Variants in VGLL4 observed in about 807,000 individuals in gnomAD.
VGLL4 encodes the protein transcription cofactor vestigial-like protein 4.
In VGLL4, 7 loss-of-function variants were observed where a neutral mutation model predicts 21.0. That is an observed-to-expected ratio of 0.33 (90% CI 0.19 to 0.63). The LOEUF is 0.63. VGLL4 is among the 20% of genes least tolerant of loss of function. VGLL4 has a pLI of 0.78. For missense variants in VGLL4, 394 were observed against 425.7 expected (o/e 0.93, Z 0.66); for synonymous variants, 222 against 173.2 (o/e 1.28, Z -2.21).
In VGLL4 at chr3:11,557,033, A is replaced by G. The variant is rs887175063; in HGVS notation, c.*1523T>C. ...GGTCATACGGTGTGCAGAGTCCACA[A>G]AGCCTTGCAGGTGAGGTGACCACGC... On this transcript the variant is annotated 3_prime_UTR_variant, in exon 5 of 5. Transcript: ENST00000430365. The G allele has an allele frequency of 6.6e-6, 1 of 152,496 alleles. No individual in the cohort carries two copies. Among genetic ancestry groups the G allele is most frequent in the South Asian group, 2.1e-4 (1 of 4,834 alleles). The allele number at this position is 152,496 out of a possible 1,614,324, so 9.4% of individuals were successfully genotyped here. A position where few individuals can be genotyped will look rare whatever the true frequency, so the allele number is the denominator to read the frequency against.
intron 2 of VGLL4, among the ~76,000 whole-genome samples, chr3:11,688,226 A>G (rs2076478377): frequency 6.6e-6 from 1 of 152,182 alleles, no homozygotes; most frequent in Non-Finnish European, 1.5e-5. Flanking sequence ...ATATCTATGT[A>G]CTTGATTTTA....
rs1349424290 is a variant in VGLL4 at position 11,652,442 on chromosome 3, T to C, written c.65-50420A>G. 2.6e-5 allele frequency among the ~76,000 whole-genome samples: 4 copies of C among 152,278 alleles called. No individual in the cohort carries two copies. The East Asian group carries it at 5.8e-4, about 22-fold the overall frequency. On this transcript the variant is annotated intron_variant, in intron 2 of 5. Coordinates refer to the VGLL4 transcript ENST00000273038. ...TTTTTGTTTTTTTGTTTTTTTGACA[T>C]GGAGTCTAACTCTGTTGCCCAGGCT...
intron 1 of VGLL4, among the ~76,000 whole-genome samples, chr3:11,703,827 T>G (rs915418934): frequency 2.0e-5 from 3 of 152,356 alleles, no homozygotes; most frequent in Middle Eastern, 3.4e-3. Context: ...TGTACCACTT[T>G]ACAGACACTT....
chr3:11,690,495 T>C (rs2076511424), intron 2 of VGLL4, among the ~76,000 whole-genome samples: 1 of 152,182 alleles, frequency 6.6e-6, no homozygotes, highest in African/African-American at 2.4e-5. Context: ...AGTACTTCGC[T>C]AGGAAACTGA....
At chr3:11,637,529 T>G (rs1226838585) in intron 1 of VGLL4, among the ~76,000 whole-genome samples, 1 of 152,236 alleles carries the variant, frequency 6.6e-6, no homozygotes, top group African/African-American at 2.4e-5. Context: ...CTTTTAAGAA[T>G]AGATTCTCTA....
intron 2 of VGLL4, among the ~76,000 whole-genome samples, chr3:11,702,404 G>C: frequency 6.8e-6 from 1 of 146,186 alleles, no homozygotes; most frequent in East Asian, 2.0e-4. Context: ...GAGGTCAGGA[G>C]TTTGAGACCA....
intron 2 of VGLL4, among the ~76,000 whole-genome samples, chr3:11,657,453 G>A (rs1360061076): frequency 6.6e-6 from 1 of 152,134 alleles, no homozygotes; most frequent in Non-Finnish European, 1.5e-5. Flanking sequence ...TCTTAACAAT[G>A]GGCATGAAGA....
At chr3:11,710,129 C>A (rs932527700) in intron 1 of VGLL4, among the ~76,000 whole-genome samples, 2 of 152,156 alleles carry the variant, frequency 1.3e-5, no homozygotes, top group Admixed American at 1.3e-4. Context: ...TCACGCATCA[C>A]CAAGGGGATG....
At chr3:11,715,775 C>T (rs146501286) in intron 1 of VGLL4, among the ~76,000 whole-genome samples, 16 of 152,198 alleles carry the variant, frequency 1.1e-4, no homozygotes, top group Admixed American at 1.0e-3. Flanking sequence ...CTGATCAATA[C>T]ACAACCTTGT....
chr3:11,612,761 A>T (rs2075087456), intron 1 of VGLL4: 1 of 152,270 alleles, frequency 6.6e-6, no homozygotes, highest in African/African-American at 2.4e-5. Context: ...AAAGGGTCAC[A>T]TGCACTGACA....
chr3:11,717,490 A>ATTTTTTTTTTTTTTTTTTT (rs60921966), intron 1 of VGLL4, among the ~76,000 whole-genome samples: 2 of 72,948 alleles, frequency 2.7e-5, no homozygotes, highest in African/African-American at 6.5e-5. Flanking sequence ...CCCACTACAG[A>ATTTTTTTTTTTTTTTTTTT]TTTTTTTTTT....
intron 3 of VGLL4, among the ~76,000 whole-genome samples, chr3:11,563,959 C>T (rs1465948471): frequency 3.9e-5 from 6 of 152,182 alleles, no homozygotes; most frequent in Non-Finnish European, 7.3e-5. Context: ...AGGGAAGCCC[C>T]GGTGAGGCCA....
At chr3:11,608,422 T>C (rs2074992825) in intron 1 of VGLL4, among the ~76,000 whole-genome samples, 1 of 152,338 alleles carries the variant, frequency 6.6e-6, no homozygotes, top group East Asian at 1.9e-4. Flanking sequence ...CATGGATCAA[T>C]AATATTCCTT....
chr3:11,676,394 CAA>C (rs1219773138), intron 2 of VGLL4, among the ~76,000 whole-genome samples: 54 of 54,340 alleles, frequency 9.9e-4, no homozygotes, highest in African/African-American at 2.8e-3. Context: ...GACTCTGTCT[CAA>C]AAAAAAAAAA....
chr3:11,612,385 C>T (rs2075079890), intron 1 of VGLL4, among the ~76,000 whole-genome samples: 1 of 152,146 alleles, frequency 6.6e-6, no homozygotes, highest in Non-Finnish European at 1.5e-5. Flanking sequence ...TAATGTCTTA[C>T]TATACATATC....
intron 2 of VGLL4, among the ~76,000 whole-genome samples, chr3:11,577,818 G>T (rs1190549185): frequency 6.6e-6 from 1 of 152,138 alleles, no homozygotes; most frequent in Non-Finnish European, 1.5e-5. Flanking sequence ...TTGGTCCCAG[G>T]TCTGCCCTTT....
chr3:11,587,192 G>C (rs565917898), intron 2 of VGLL4, among the ~76,000 whole-genome samples: 1 of 152,332 alleles, frequency 6.6e-6, no homozygotes, highest in South Asian at 2.1e-4. Flanking sequence ...TAAAGGAACT[G>C]TGTCTTATTT....
intron 2 of VGLL4, among the ~76,000 whole-genome samples, chr3:11,665,614 G>T (rs190515734): frequency 6.6e-6 from 1 of 152,208 alleles, no homozygotes. Flanking sequence ...AGGAAGCCAA[G>T]TCCTGACCAT....
At chr3:11,692,431 T>C (rs559318966) in intron 2 of VGLL4, among the ~76,000 whole-genome samples, 3 of 152,340 alleles carry the variant, frequency 2.0e-5, no homozygotes, top group East Asian at 1.9e-4. Context: ...TGAAGCCTTT[T>C]GAATTAGAAT....
Sources: gnomAD v4.1 joint callset for allele counts (sites outside exome capture counted in the v4.1 genomes callset) on GRCh38, gnomAD v4.1.1 for gene constraint, MANE v1.5 for transcripts, NCBI Gene and HGNC (gene_info 2026-07-23, HGNC 2026-07-21) for gene names.